The following ANKRD33B variants were observed in gnomAD, a reference collection of about 807,000 sequenced individuals.
ANKRD33B encodes the protein ankyrin repeat domain 33B.
In ANKRD33B, 6 loss-of-function variants were observed where a neutral mutation model predicts 21.5. The observed-to-expected ratio is 0.28, with a 90% CI of 0.15 to 0.55. The LOEUF (loss-of-function observed/expected upper bound fraction) is 0.55. ANKRD33B is among the 20% of genes least tolerant of loss of function. ANKRD33B has a pLI of 0.94. For synonymous variants in ANKRD33B, 347 were observed against 342.4 expected, an observed-to-expected ratio of 1.01 and a Z score of -0.15; for missense variants, 698 against 747.2, an observed-to-expected ratio of 0.93 and a Z score of 0.77.
chr5:10,598,897 T>TA (rs1424626923), intron 1 of ANKRD33B, among the ~76,000 whole-genome samples: 2 of 151,974 alleles, frequency 1.3e-5, no homozygotes, highest in Non-Finnish European at 1.5e-5. Context: ...AAAGAAAAAA[T>TA]AAAAAAATAC....
Position 10,649,888 on chromosome 5 carries a change from T to A in ANKRD33B, c.1260T>A (p.Gly420=), listed in dbSNP as rs1465484309. 1 of 1,508,274 alleles carries A rather than the reference T, an allele frequency of 6.6e-7. No individual in the cohort carries two copies. The highest frequency in any genetic ancestry group is 2.6e-5 in the East Asian group (1 of 38,468). 93.4% of individuals were successfully genotyped at this position (1,508,274 alleles called of 1,614,324 possible). Residue 420 remains glycine, a synonymous_variant, in exon 4 of 4, where the codon GGT becomes GGA. Transcript: ENST00000296657. ...QRLRRRSVRP[G]VVVPRVRVSK... ...TGCGGCGGAGAAGCGTGCGGCCCGG[T>A]GTGGTGGTGCCCCGGGTCCGAGTCA... is the stretch of plus-strand genomic sequence containing the variant.
At chr5:10,594,650 A>C (rs893163804) in intron 1 of ANKRD33B, among the ~76,000 whole-genome samples, 3 of 151,974 alleles carry the variant, frequency 2.0e-5, no homozygotes, top group African/African-American at 7.2e-5. Flanking sequence ...AAGCCCTCAG[A>C]GGGTATTTGA....
chr5:10,649,740 C>A lies in ANKRD33B; in HGVS notation c.1112C>A (p.Thr371Asn), dbSNP rs1412670768. The change falls in exon 4 of 4, where the codon ACC becomes AAC. Residue 371 changes from threonine to asparagine, a missense_variant. Thr to Asn is a moderately conservative substitution (Grantham distance 65, BLOSUM62 0). This residue lies in a region of ANKRD33B where 543 missense variants were observed against 566.5 expected (regional missense o/e 0.96). Coordinates refer to ENST00000296657, the MANE Select transcript of ANKRD33B (RefSeq NM_001164440.2). ...EVGGAGQRGR[T>N]GQEDADSREG... Reference sequence around the variant, plus strand: ...GGGGGCGCGGGGCAGCGCGGGCGGACCGGACAGGAGGACGCGGACTCCCGG... The same window carrying A: ...GGGGGCGCGGGGCAGCGCGGGCGGAACGGACAGGAGGACGCGGACTCCCGG... 3 of 1,476,014 alleles carry A rather than the reference C, an allele frequency of 2.0e-6. No homozygotes were observed. The highest frequency in any genetic ancestry group is 1.8e-6 in the Non-Finnish European group (2 of 1,117,690). 91.4% of individuals were successfully genotyped at this position (1,476,014 alleles called of 1,614,324 possible).
intron 1 of ANKRD33B, among the ~76,000 whole-genome samples, chr5:10,613,197 A>AGCATCCGGCCCTCCTTTTTC (rs1263112359): frequency 6.6e-6 from 1 of 151,984 alleles, no homozygotes; most frequent in Non-Finnish European, 1.5e-5. Context: ...GGCCTCACGC[A>AGCATCCGGCCCTCCTTTTTC]GCATCCGGCC....
At chr5:10,605,323 G>A (rs1012710132) in intron 1 of ANKRD33B, among the ~76,000 whole-genome samples, 4 of 152,330 alleles carry the variant, frequency 2.6e-5, no homozygotes, top group East Asian at 1.9e-4. Flanking sequence ...GTGAATACCA[G>A]GAGGAAACGA....
At chr5:10,597,549 G>A (rs1735844171) in intron 1 of ANKRD33B, among the ~76,000 whole-genome samples, 1 of 152,128 alleles carries the variant, frequency 6.6e-6, no homozygotes, top group Non-Finnish European at 1.5e-5. Context: ...AGGCAAATTT[G>A]TAGAGACCTA....
chr5:10,616,743 G>A (rs1036030586), intron 1 of ANKRD33B, among the ~76,000 whole-genome samples: 4 of 152,014 alleles, frequency 2.6e-5, no homozygotes, highest in African/African-American at 7.3e-5. Flanking sequence ...CCGTATCTAC[G>A]TCTGTGAGGC....
At chr5:10,578,653 A>G (rs1193587679) in intron 1 of ANKRD33B, among the ~76,000 whole-genome samples, 3 of 152,346 alleles carry the variant, frequency 2.0e-5, no homozygotes, top group Non-Finnish European at 2.9e-5. Context: ...AAAAAAATTC[A>G]GTTAAGATAT....
chr5:10,637,979 A>C, intron 2 of ANKRD33B, 49 bp from the exon 3 acceptor site: 1 of 1,524,010 alleles, frequency 6.6e-7, no homozygotes, highest in Non-Finnish European at 8.8e-7. Flanking sequence ...TGGAACCAGC[A>C]CATTTTGTGG....
At chr5:10,624,605 C>T (rs967032134) in intron 2 of ANKRD33B, 4 of 381,930 alleles carry the variant, frequency 1.0e-5, no homozygotes, top group African/African-American at 8.4e-5. Flanking sequence ...CATACGGAGG[C>T]AGAGGGGAGA....
At chr5:10,594,944 G>C (rs1361217568) in intron 1 of ANKRD33B, among the ~76,000 whole-genome samples, 9 of 152,208 alleles carry the variant, frequency 5.9e-5, no homozygotes, top group Non-Finnish European at 1.2e-4. Flanking sequence ...GCTGGGCTGA[G>C]TAGTTGGGAT....
intron 1 of ANKRD33B, among the ~76,000 whole-genome samples, chr5:10,601,325 G>A (rs146891833): frequency 2.6e-3 from 401 of 152,246 alleles, no homozygotes; most frequent in Admixed American, 4.9e-3. Flanking sequence ...GTGGAAGCCC[G>A]TCATGACCCA....
In ANKRD33B at chr5:10,619,029, A is replaced by T. The variant is rs1432754677; in HGVS notation, c.496+567A>T. Among the ~76,000 whole-genome samples, 1 of 152,170 alleles carries T rather than the reference A, an allele frequency of 6.6e-6. No homozygotes were observed. Among genetic ancestry groups the T allele is most frequent in the Non-Finnish European group, 1.5e-5 (1 of 68,040 alleles). ...ATCAGTCATCAAGAAGACAGTGCTT[A>T]TGTCAATATTGCCAAGTGCATTGCG... On this transcript the variant is annotated intron_variant, in intron 2 of 3. Transcript: ENST00000296657. The surrounding 1 kb of genome is among the most constrained non-coding windows in gnomAD (Gnocchi z 4.5).
At chr5:10,594,065 A>G (rs1735765185) in intron 1 of ANKRD33B, among the ~76,000 whole-genome samples, 1 of 152,096 alleles carries the variant, frequency 6.6e-6, no homozygotes, top group Admixed American at 6.6e-5. Flanking sequence ...TCTCCTCTCC[A>G]AGGGCAGGAA....
At chr5:10,605,971 A>C (rs966152006) in intron 1 of ANKRD33B, among the ~76,000 whole-genome samples, 5 of 152,252 alleles carry the variant, frequency 3.3e-5, no homozygotes, top group Non-Finnish European at 7.3e-5. Context: ...TGTAATTGTT[A>C]CTGACAGTCA....
chr5:10,655,754 C>T lies in ANKRD33B; in HGVS notation c.*5641C>T, dbSNP rs1339292510. 5 of 152,324 alleles carry T rather than the reference C, an allele frequency of 3.3e-5. No homozygotes were observed. The highest frequency in any genetic ancestry group is 9.7e-5 in the African/African-American group (4 of 41,446). 9.4% of individuals were successfully genotyped at this position (152,324 alleles called of 1,614,324 possible). A position where few individuals can be genotyped will look rare whatever the true frequency, so the allele number is the denominator to read the frequency against. On this transcript the variant is annotated 3_prime_UTR_variant, in exon 4 of 4. Transcript: ENST00000296657. ...CCGGGGATTTGCCCAGGTCCCTCCA[C>T]CTCCCACGGTGGGTAACTGTGTGGA...
chr5:10,619,905 C>G lies in ANKRD33B; in HGVS notation c.496+1443C>G, dbSNP rs560252641. 6.6e-6 allele frequency among the ~76,000 whole-genome samples: 1 copy of G among 152,258 alleles called. No homozygotes were observed. The highest frequency in any genetic ancestry group is 2.4e-5 in the African/African-American group (1 of 41,520). ...CTTGGTGCTGTGGGATGAGAACACT[C>G]TATCTAGCCTGAAGTTCATGATAAG... On this transcript the variant is annotated intron_variant, in intron 2 of 3. Coordinates refer to ENST00000296657, the MANE Select transcript of ANKRD33B (RefSeq NM_001164440.2). This position sits in a 1 kb window ranked among gnomAD's most constrained non-coding sequence, Gnocchi z 4.5.
chr5:10,631,441 A>T (rs1579747600), intron 2 of ANKRD33B, among the ~76,000 whole-genome samples: 2 of 152,312 alleles, frequency 1.3e-5, no homozygotes, highest in East Asian at 3.9e-4. Context: ...TGCGTTTTCA[A>T]TAGGAAAAGT....
Position 10,576,516 on chromosome 5 carries a change from C to CT in ANKRD33B, c.366+11687dup, listed in dbSNP as rs1225836847. Among the ~76,000 whole-genome samples, 1 of 152,174 alleles carries CT rather than the reference C, an allele frequency of 6.6e-6. No homozygotes were observed. The highest frequency in any genetic ancestry group is 1.5e-5 in the Non-Finnish European group (1 of 68,024). On this transcript the variant is annotated intron_variant, in intron 1 of 3. Transcript: ENST00000296657. The surrounding 1 kb of genome is among the most constrained non-coding windows in gnomAD (Gnocchi z 4.1). ...CATGATCCTGGACAAGTCCCATGAT[C>CT]TTTTGATCTTTAGTTTCCTTTAGAT... is the stretch of plus-strand genomic sequence containing the variant.
Sources: gnomAD v4.1 joint callset for allele counts (sites outside exome capture counted in the v4.1 genomes callset) on GRCh38, gnomAD v4.1.1 for gene constraint, gnomAD v4.1.1 regional missense constraint, Gnocchi (gnomAD v3.1) non-coding constraint, MANE v1.5 for transcripts, NCBI Gene and HGNC (gene_info 2026-07-23, HGNC 2026-07-21) for gene names.